Variants in ZNF286A observed in about 807,000 individuals in gnomAD.
ZNF286A encodes the protein zinc finger protein 286A.
ZNF286A carries 34 observed loss-of-function variants against 49.3 expected under a neutral mutation model. The ratio of observed to expected loss-of-function variants is 0.69; its 90% CI spans 0.52 to 0.92. The LOEUF (loss-of-function observed/expected upper bound fraction) is 0.92, where lower values mean the gene tolerates loss of function less well. Ranked by LOEUF, ZNF286A falls within the 40% of genes least tolerant of loss-of-function variation. The pLI is 0.00. For synonymous variants in ZNF286A, 155 were observed against 200.4 expected (o/e 0.77, Z 1.91); for missense variants, 462 against 600.2 (o/e 0.77, Z 2.41).
Position 15,716,044 on chromosome 17 carries a change from T to C in ZNF286A, c.335-15T>C. 1 of 1,613,864 alleles carries C rather than the reference T, an allele frequency of 6.2e-7. No individual in the cohort carries two copies. Among genetic ancestry groups the C allele is most frequent in the Non-Finnish European group, 8.5e-7 (1 of 1,179,806 alleles). On this transcript the variant is annotated splice_polypyrimidine_tract_variant and intron_variant, in intron 5 of 5. Transcript: ENST00000583566. ...ACAGAAAACGAAGGAAATTTGCATT[T>C]CCAATGTCTTTCAGACATGGAGACT...
intron 3 of ZNF286A, chr17:15,701,542 T>G (rs1006986438): frequency 4.1e-6 from 1 of 245,548 alleles, no homozygotes; most frequent in African/African-American, 2.2e-5. Context: ...ATTTTAAATA[T>G]AATGTGGTAC....
chr17:15,708,409 A>G (rs1990402030), intron 5 of ZNF286A, 162 bp downstream of exon 5: 2 of 463,494 alleles, frequency 4.3e-6, no homozygotes, highest in Non-Finnish European at 7.4e-6. Context: ...ATAAAATAAC[A>G]TTCATGTATC....
At chr17:15,709,780 A>G (rs780100441) in intron 5 of ZNF286A, 37 of 1,537,746 alleles carry the variant, frequency 2.4e-5, no homozygotes, top group Non-Finnish European at 2.9e-5. Flanking sequence ...AGTCCACTGT[A>G]TGAATAAACT....
At chr17:15,702,233 G>A (rs1480513919) in intron 3 of ZNF286A, among the ~76,000 whole-genome samples, 1 of 152,034 alleles carries the variant, frequency 6.6e-6, no homozygotes, top group East Asian at 1.9e-4. Context: ...AAGAAGTTAG[G>A]GCTGGGCACG....
chr17:15,706,428 A>G lies in ZNF286A; in HGVS notation c.168A>G (p.Pro56=). The G allele has an allele frequency of 6.2e-7, 1 of 1,613,940 alleles. No individual in the cohort carries two copies. The highest frequency in any genetic ancestry group is 8.5e-7 in the Non-Finnish European group (1 of 1,179,922). Residue 56 remains proline (P), a synonymous_variant, in exon 4 of 6, where the codon CCA becomes CCG. Transcript: ENST00000583566. The part of the protein sequence containing the change: ...TFKDVAMDFT[P]EEWGKLDPAQ... ...AGGATGTGGCCATGGACTTTACACC[A>G]GAGGAGTGGGGGAAGCTGGATCCTG...
At position 15,704,541 on chromosome 17, in the gene ZNF286A, C is replaced by T. The variant is rs1597709409; in HGVS notation, c.127-1846C>T. 2.0e-5 allele frequency: 33 copies of T among 1,613,998 alleles called. No individual in the cohort carries two copies. In the East Asian group the frequency reaches 7.1e-4, roughly 35 times the overall value. On this transcript the variant is annotated intron_variant, in intron 3 of 5. Coordinates refer to ENST00000583566, the MANE Select transcript of ZNF286A (RefSeq NM_001130842.2). ...GTGCAGACTCGGGGTTAGGGTGGAT[C>T]AGCAGGCACCTGATGGTCAGCAGTA...
intron 3 of ZNF286A, chr17:15,704,639 C>G: frequency 6.2e-7 from 1 of 1,612,188 alleles, no homozygotes; most frequent in Non-Finnish European, 8.5e-7. Flanking sequence ...TTGGCGCCCA[C>G]GTTCGGGTGG....
chr17:15,709,275 A>G (rs924325852), intron 5 of ZNF286A, among the ~76,000 whole-genome samples: 1 of 145,200 alleles, frequency 6.9e-6, no homozygotes, highest in Non-Finnish European at 1.5e-5. Flanking sequence ...GGATCACCTG[A>G]GGTCAGAAAT....
rs969562418 is a variant in ZNF286A, at chr17:15,704,959, C to T, written c.127-1428C>T. On this transcript the variant is annotated intron_variant, in intron 3 of 5. Coordinates refer to ENST00000583566, the MANE Select transcript of ZNF286A (RefSeq NM_001130842.2). ...CCCCTTCCTGCGTTCTTCGGTCCGC[C>T]GGCCGGGGCGGGGGCCCAACTGCTG... The T allele has an allele frequency of 3.2e-5, 44 of 1,379,048 alleles. No individual in the cohort carries two copies. In the African/African-American group the frequency reaches 5.4e-4, roughly 17 times the overall value. The allele number at this position is 1,379,048 out of a possible 1,614,324, so 85.4% of individuals were successfully genotyped here. A position where few individuals can be genotyped will look rare whatever the true frequency, so the allele number is the denominator to read the frequency against.
At chr17:15,705,304 T>C (rs1425113399) in intron 3 of ZNF286A, among the ~76,000 whole-genome samples, 1 of 152,170 alleles carries the variant, frequency 6.6e-6, no homozygotes, top group Non-Finnish European at 1.5e-5. Context: ...CTACTGACCT[T>C]ATTCAGATTT....
rs1013981413 is a variant in ZNF286A, at chr17:15,708,474, CTTCCT to C, written c.334+231_334+235del. ...TTTGCTTCGTTTGCCTCTTTTCTTT[CTTCCT>C]TTCTTTTTCTTACAATATAAAACTA... On this transcript the variant is annotated intron_variant, in intron 5 of 5. Transcript: ENST00000583566. The C allele has an allele frequency of 1.0e-4, 37 of 369,346 alleles. No homozygotes were observed. In the Middle Eastern group the frequency reaches 2.8e-3, roughly 28 times the overall value. 22.9% of individuals were successfully genotyped at this position (369,346 alleles called of 1,614,324 possible). A position where few individuals can be genotyped will look rare whatever the true frequency, so the allele number is the denominator to read the frequency against.
At position 15,699,759 on chromosome 17, in the gene ZNF286A, G is replaced by T. The variant is rs1173133388; in HGVS notation, c.-214G>T. ...CTGGCCAAAGAAGTTCGTCCCCTTT[G>T]TGAGGCCCGGGATGGGAGGTGAGTT... On this transcript the variant is annotated 5_prime_UTR_variant, in exon 1 of 6. Transcript: ENST00000583566. The T allele has an allele frequency of 1.4e-6, 1 of 702,912 alleles. No individual in the cohort carries two copies. The highest frequency in any genetic ancestry group is 1.5e-5 in the South Asian group (1 of 67,596). The allele number at this position is 702,912 out of a possible 1,614,324, so 43.5% of individuals were successfully genotyped here.
chr17:15,709,707 C>T (rs2654397), intron 5 of ZNF286A: 373,840 of 981,648 alleles, frequency 0.38, 73,960 homozygotes, highest in East Asian at 0.62. Context: ...CATTGTATTT[C>T]GATATTAATC....
rs1391962417 is a variant in ZNF286A, at chr17:15,716,610, AT to A, written c.888del (p.Leu297SerfsTer50). The A allele has an allele frequency of 6.2e-7, 1 of 1,614,002 alleles. No homozygotes were observed. Among genetic ancestry groups the A allele is most frequent in the Non-Finnish European group, 8.5e-7 (1 of 1,180,016 alleles). ...TAAACACCAGAGAACTCATACTAGA[AT>A]TCTCTTTGAATGCAGTGAATGCAAG... Reference protein sequence around the residue: ...LTKHQRTHTRILFECSECKKT... With the variant: ...LTKHQRTHTRXLFECSECKKT... On this transcript the variant is annotated frameshift_variant, in exon 6 of 6. Coordinates refer to ENST00000583566, the MANE Select transcript of ZNF286A (RefSeq NM_001130842.2). LOFTEE classifies it high-confidence loss of function.
intron 3 of ZNF286A, among the ~76,000 whole-genome samples, chr17:15,702,315 G>GAC (rs1402075256): frequency 2.6e-5 from 4 of 151,996 alleles, no homozygotes; most frequent in African/African-American, 7.2e-5. Flanking sequence ...AGGAGTTCAA[G>GAC]ACCAGCCTGA....
At chr17:15,704,406 G>A (rs543950456) in intron 3 of ZNF286A, 2 of 1,606,456 alleles carry the variant, frequency 1.2e-6, no homozygotes, top group African/African-American at 1.3e-5. Flanking sequence ...GCCCGGCTTC[G>A]GCCCTGCCGC....
intron 5 of ZNF286A, chr17:15,710,036 T>C: frequency 2.4e-6 from 2 of 834,696 alleles, no homozygotes; most frequent in Non-Finnish European, 3.6e-6. Context: ...AAATACAAGT[T>C]TGAGCATTTC....
chr17:15,704,535 G>T lies in ZNF286A; in HGVS notation c.127-1852G>T, dbSNP rs549636021. 5.0e-4 allele frequency: 810 copies of T among 1,614,118 alleles called. 5 individuals are homozygous for T. In the African/African-American group the frequency reaches 9.2e-3, roughly 18 times the overall value. ...CGTTGAGTGCAGACTCGGGGTTAGG[G>T]TGGATCAGCAGGCACCTGATGGTCA... On this transcript the variant is annotated intron_variant, in intron 3 of 5. Coordinates refer to ENST00000583566, the MANE Select transcript of ZNF286A (RefSeq NM_001130842.2).
At position 15,720,680 on chromosome 17, in the gene ZNF286A, G is replaced by A. The variant is rs1227659705; in HGVS notation, c.*3390G>A. ...ATGTTTGTACTGCAACATGAATCTT[G>A]GAAATTTTAATGTTATGCATTTCAA... is the stretch of plus-strand genomic sequence containing the variant. On this transcript the variant is annotated 3_prime_UTR_variant, in exon 6 of 6. Coordinates refer to ENST00000583566, the MANE Select transcript of ZNF286A (RefSeq NM_001130842.2). 6.7e-6 allele frequency: 1 copy of A among 148,614 alleles called. No individual in the cohort carries two copies. Among genetic ancestry groups the A allele is most frequent in the Non-Finnish European group, 1.5e-5 (1 of 67,262 alleles). 9.2% of individuals were successfully genotyped at this position (148,614 alleles called of 1,614,324 possible).
Sources: allele counts gnomAD v4.1 joint callset (sites outside exome capture counted in the v4.1 genomes callset), GRCh38; gene constraint gnomAD v4.1.1; transcripts MANE v1.5; gene names NCBI Gene and HGNC (gene_info 2026-07-23, HGNC 2026-07-21).